Variants in PDE1A observed in about 807,000 individuals in gnomAD.
PDE1A encodes phosphodiesterase 1A, also known as dual specificity calcium/calmodulin-dependent 3',5'-cyclic nucleotide phosphodiesterase 1A.
Under a neutral mutation model 61.7 loss-of-function variants are expected in PDE1A, and 35 were observed. The observed-to-expected ratio is 0.57, with a 90% CI of 0.43 to 0.75. PDE1A has a LOEUF of 0.75. Among genes scored for constraint, PDE1A ranks in the 30% least tolerant of loss-of-function variants. PDE1A has a pLI of 0.00. For missense variants in PDE1A, 597 were observed against 630.6 expected (o/e 0.95, Z 0.57); for synonymous variants, 232 against 213.2 (o/e 1.09, Z -0.77).
chr2:182,374,868 C>A (rs565207549), intron 1 of PDE1A, among the ~76,000 whole-genome samples: 1 of 152,306 alleles, frequency 6.6e-6, no homozygotes, highest in Non-Finnish European at 1.5e-5. Flanking sequence ...CTTACAGTTG[C>A]ATATGGCTGG....
chr2:182,500,059 T>C (rs1044572542), intron 2 of PDE1A, among the ~76,000 whole-genome samples: 1 of 152,190 alleles, frequency 6.6e-6, no homozygotes, highest in Non-Finnish European at 1.5e-5. Context: ...AAGAAGCACA[T>C]GATGGTAATA....
At chr2:182,576,066 A>G in the PDE1A span, among the ~76,000 whole-genome samples, 1 of 151,578 alleles carries the variant, frequency 6.6e-6, no homozygotes, top group Admixed American at 6.6e-5. Flanking sequence ...TAAAATGCAT[A>G]TAACAAACTT....
At chr2:182,346,286 T>C (rs923806913) in intron 1 of PDE1A, among the ~76,000 whole-genome samples, 49 of 152,300 alleles carry the variant, frequency 3.2e-4, no homozygotes, top group African/African-American at 1.1e-3. Flanking sequence ...GCTTATTCTA[T>C]GGTTAAAAAC....
At chr2:182,582,848 T>G in the PDE1A span, among the ~76,000 whole-genome samples, 1 of 152,316 alleles carries the variant, frequency 6.6e-6, no homozygotes, top group South Asian at 2.1e-4. Flanking sequence ...GTCAGATCAT[T>G]TTTGTTTCCC....
At chr2:182,429,546 A>T (rs1320240861), upstream of PDE1A, among the ~76,000 whole-genome samples, 2 of 152,010 alleles carry the variant, frequency 1.3e-5, no homozygotes, top group South Asian at 4.2e-4. Flanking sequence ...ACGTTCACAC[A>T]CATACCCTAC....
intron 3 of PDE1A, among the ~76,000 whole-genome samples, 168 bp downstream of exon 3, chr2:182,239,942 G>A (rs1284426462): frequency 2.6e-5 from 4 of 152,154 alleles, no homozygotes; most frequent in Non-Finnish European, 5.9e-5. Context: ...AGGTGTTTTT[G>A]TTATAGGTAA....
chr2:182,313,523 T>C (rs1219874932), intron 1 of PDE1A, among the ~76,000 whole-genome samples: 11 of 152,232 alleles, frequency 7.2e-5, no homozygotes. Context: ...TCTGGTATTG[T>C]TGCATTTCCT....
the PDE1A span, among the ~76,000 whole-genome samples, chr2:182,581,596 T>G: frequency 3.9e-5 from 6 of 152,214 alleles, no homozygotes; most frequent in Admixed American, 2.6e-4. Flanking sequence ...ATTGGTTAAC[T>G]GTCAGTCTTC....
At chr2:182,614,553 CTTTTTTT>C in the PDE1A span, among the ~76,000 whole-genome samples, 1 of 112,614 alleles carries the variant, frequency 8.9e-6, no homozygotes, top group African/African-American at 3.1e-5. Context: ...ACTAGCATAT[CTTTTTTT>C]TTTTTTTTTT....
intron 1 of PDE1A, among the ~76,000 whole-genome samples, chr2:182,317,252 CTTTTTT>C (rs34087191): frequency 7.0e-6 from 1 of 142,696 alleles, no homozygotes; most frequent in Non-Finnish European, 1.5e-5. Flanking sequence ...TTCTCACAAA[CTTTTTT>C]TTTTTTTTTG....
chr2:182,208,009 G>A (rs1459353157), intron 7 of PDE1A, among the ~76,000 whole-genome samples: 2 of 152,162 alleles, frequency 1.3e-5, no homozygotes, highest in Non-Finnish European at 2.9e-5. Flanking sequence ...CCTAGATTTT[G>A]GAGGATGTAT....
chr2:182,626,914 T>A, the PDE1A span, among the ~76,000 whole-genome samples: 3 of 51,094 alleles, frequency 5.9e-5, no homozygotes, highest in South Asian at 5.5e-4. Context: ...TATATACCTT[T>A]AGACTGTAGA....
At chr2:182,209,633 C>T (rs913083942) in intron 7 of PDE1A, among the ~76,000 whole-genome samples, 6 of 151,720 alleles carry the variant, frequency 4.0e-5, no homozygotes, top group South Asian at 4.2e-4. Flanking sequence ...GTGAGTATCC[C>T]GCTTGCTGTT....
intron 7 of PDE1A, among the ~76,000 whole-genome samples, chr2:182,215,681 T>G (rs904172928): frequency 8.4e-5 from 10 of 119,478 alleles, no homozygotes; most frequent in Non-Finnish European, 1.5e-4. Flanking sequence ...ATGGATAAAT[T>G]CCTCGACACA....
At position 182,219,881 on chromosome 2, in the gene PDE1A, T is replaced by TATAAC. The variant is rs551447595; in HGVS notation, c.776+3982_776+3983insGTTAT. On this transcript the variant is annotated intron_variant, in intron 7 of 13. Transcript: ENST00000351439. Reference sequence around the variant, plus strand: ...AATAATCATTTTACTATCTGTATCTTATCATGTTATATACCATAAATGTAC... The same window carrying TATAAC: ...AATAATCATTTTACTATCTGTATCTTATAACATCATGTTATATACCATAAATGTAC... Among the ~76,000 whole-genome samples, 514 of 152,266 alleles carry TATAAC rather than the reference T, an allele frequency of 3.4e-3. 2 individuals carry two copies. Among genetic ancestry groups the TATAAC allele is most frequent in the African/African-American group, 0.012 (500 of 41,562 alleles).
the PDE1A span, among the ~76,000 whole-genome samples, chr2:182,701,470 TC>T: frequency 0.45 from 67,487 of 150,916 alleles, 17,595 homozygotes; most frequent in South Asian, 0.57. Context: ...AACTTGCACC[TC>T]CCGGGTTCAA....
At chr2:182,495,157 G>A (rs1400056298) in intron 2 of PDE1A, among the ~76,000 whole-genome samples, 1 of 152,138 alleles carries the variant, frequency 6.6e-6, no homozygotes, top group African/African-American at 2.4e-5. Context: ...ATTAGTACAA[G>A]CCCATTGGAT....
At chr2:182,455,133 G>A (rs1228814120) in intron 2 of PDE1A, among the ~76,000 whole-genome samples, 1 of 151,908 alleles carries the variant, frequency 6.6e-6, no homozygotes, top group African/African-American at 2.4e-5. Flanking sequence ...AGACATTTAT[G>A]CAGCCAAAAA....
the PDE1A span, among the ~76,000 whole-genome samples, chr2:182,624,140 A>G: frequency 1.4e-5 from 2 of 147,408 alleles, no homozygotes; most frequent in African/African-American, 2.7e-5. Context: ...AAAAAAAAAA[A>G]AAGAAGAAGA....
Sources: gnomAD v4.1 joint callset for allele counts (sites outside exome capture counted in the v4.1 genomes callset) on GRCh38, gnomAD v4.1.1 for gene constraint, MANE v1.5 for transcripts, NCBI Gene and HGNC (gene_info 2026-07-23, HGNC 2026-07-21) for gene names.